The following OXR1 variants were observed in gnomAD, a reference collection of about 807,000 sequenced individuals.
OXR1 encodes the protein oxidation resistance protein 1.
Under a neutral mutation model 104.6 loss-of-function variants are expected in OXR1, and 41 were observed. That is an observed-to-expected ratio of 0.39 (90% CI 0.31 to 0.51). The LOEUF (loss-of-function observed/expected upper bound fraction) is 0.51, where lower values mean the gene tolerates loss of function less well. Ranked by LOEUF, OXR1 falls within the 20% of genes least tolerant of loss-of-function variation. The pLI is 0.77. For missense variants in OXR1, 955 were observed against 1,031.9 expected, an observed-to-expected ratio of 0.93 and a Z score of 1.02; for synonymous variants, 348 against 348.4, an observed-to-expected ratio of 1.00 and a Z score of 0.01.
At chr8:106,367,495 G>A (rs1032776649) in intron 2 of OXR1, among the ~76,000 whole-genome samples, 1 of 151,678 alleles carries the variant, frequency 6.6e-6, no homozygotes, top group South Asian at 2.1e-4. Context: ...TTCTAAACAG[G>A]CAGTATATTA....
intron 3 of OXR1, among the ~76,000 whole-genome samples, chr8:106,678,736 T>C (rs1305000600): frequency 6.6e-6 from 1 of 152,022 alleles, no homozygotes; most frequent in African/African-American, 2.4e-5. Flanking sequence ...AATATGAAAG[T>C]TCATAATTTA....
At chr8:106,380,077 G>A (rs1032971369) in intron 2 of OXR1, among the ~76,000 whole-genome samples, 1 of 151,858 alleles carries the variant, frequency 6.6e-6, no homozygotes, top group Non-Finnish European at 1.5e-5. Flanking sequence ...TACTGAACCC[G>A]TTAGCAGTCA....
chr8:106,599,730 T>A (rs535931881), intron 3 of OXR1, among the ~76,000 whole-genome samples: 15 of 152,322 alleles, frequency 9.8e-5, no homozygotes, highest in African/African-American at 3.1e-4. Context: ...TTTAACGTAT[T>A]ACCTTGTCCT....
At chr8:106,623,311 T>C (rs1007209804) in intron 3 of OXR1, among the ~76,000 whole-genome samples, 1 of 152,086 alleles carries the variant, frequency 6.6e-6, no homozygotes, top group Non-Finnish European at 1.5e-5. Flanking sequence ...AGAAAATATA[T>C]GTATATTTTT....
intron 3 of OXR1, among the ~76,000 whole-genome samples, chr8:106,587,243 G>A (rs10481106): frequency 0.17 from 25,946 of 151,938 alleles, 2,380 homozygotes; most frequent in East Asian, 0.37. Context: ...GTGGGTCGAT[G>A]TGGTATTGAG....
At position 106,282,488 on chromosome 8, in the gene OXR1, C is replaced by T. The variant is rs546112805; in HGVS notation, c.-139+12121C>T. Among the ~76,000 whole-genome samples, 52 of 152,186 alleles carry T rather than the reference C, an allele frequency of 3.4e-4. No homozygotes were observed. In the South Asian group the frequency reaches 9.7e-3, roughly 29 times the overall value. Reference sequence around the variant, plus strand: ...CAGTTGAAAATACACATATAACATTCGACCCCTCAAAAACTTAACTACTAA... The same window carrying T: ...CAGTTGAAAATACACATATAACATTTGACCCCTCAAAAACTTAACTACTAA... On this transcript the variant is annotated intron_variant, in intron 1 of 16. Transcript: ENST00000517566.
chr8:106,533,969 T>C (rs1051355955), intron 3 of OXR1, among the ~76,000 whole-genome samples: 1 of 152,054 alleles, frequency 6.6e-6, no homozygotes, highest in Non-Finnish European at 1.5e-5. Context: ...TGCCTCAGCC[T>C]CCCAAAGTGA....
At position 106,737,559 on chromosome 8, in the gene OXR1, C is replaced by T. The variant is rs1175185615; in HGVS notation, c.1996C>T (p.Leu666=). ...TGAGTATCACCGCAGGATCGATGCT[C>T]TAAATACTGAAGAACTGCGCACACT... ...VAEYHRRIDA[L]NTEELRTLCR... is the part of the protein sequence containing the mutation. The change falls in exon 12 of 17, where the codon CTA becomes TTA. Residue 666 remains leucine (L), a synonymous_variant. Coordinates refer to ENST00000517566, the MANE Select transcript of OXR1 (RefSeq NM_001198533.2). 1.1e-5 allele frequency: 15 copies of T among 1,409,760 alleles called. No homozygotes were observed. The highest frequency in any genetic ancestry group is 1.3e-5 in the Non-Finnish European group (14 of 1,072,900). 87.3% of individuals were successfully genotyped at this position (1,409,760 alleles called of 1,614,324 possible). A position where few individuals can be genotyped will look rare whatever the true frequency, so the allele number is the denominator to read the frequency against.
chr8:106,430,357 A>G (rs1443859851), intron 2 of OXR1, among the ~76,000 whole-genome samples: 6 of 152,256 alleles, frequency 3.9e-5, no homozygotes, highest in Middle Eastern at 3.4e-3. Flanking sequence ...TATACTCTTT[A>G]CCTATCTGAT....
At position 106,397,246 on chromosome 8, in the gene OXR1, T is replaced by C. The variant is rs547539454; in HGVS notation, c.23+37610T>C. On this transcript the variant is annotated intron_variant, in intron 2 of 16. Transcript: ENST00000517566. The stretch of plus-strand genomic sequence containing the variant: ...AAAAAATAAACTAATGATATGTATA[T>C]AAATTTTAAAGCCCAGCTAATCTCT... Among the ~76,000 whole-genome samples, 6 of 152,190 alleles carry C rather than the reference T, an allele frequency of 3.9e-5. No individual in the cohort carries two copies. The South Asian group carries it at 8.3e-4, about 21-fold the overall frequency.
At chr8:106,432,292 C>T (rs1200099805) in intron 2 of OXR1, among the ~76,000 whole-genome samples, 1 of 152,102 alleles carries the variant, frequency 6.6e-6, no homozygotes, top group African/African-American at 2.4e-5. Flanking sequence ...CGTATCCTCC[C>T]CTCTCCTCAC....
chr8:106,638,484 C>G (rs1035596471), intron 3 of OXR1, among the ~76,000 whole-genome samples: 2 of 152,160 alleles, frequency 1.3e-5, no homozygotes, highest in African/African-American at 2.4e-5. Flanking sequence ...CCTCATCTAT[C>G]CTCTGTATCA....
At chr8:106,550,547 G>A (rs1815722511) in intron 3 of OXR1, among the ~76,000 whole-genome samples, 1 of 152,168 alleles carries the variant, frequency 6.6e-6, no homozygotes. Context: ...CACGTTGAGG[G>A]AGGGATGAGG....
chr8:106,726,536 T>C (rs561431381), intron 11 of OXR1, among the ~76,000 whole-genome samples: 108 of 152,328 alleles, frequency 7.1e-4, no homozygotes, highest in East Asian at 4.2e-3. Context: ...GTGTTTTGTA[T>C]GTTCTACACC....
At chr8:106,657,490 C>G (rs1238075738) in intron 3 of OXR1, 1 of 152,136 alleles carries the variant, frequency 6.6e-6, no homozygotes, top group East Asian at 2.0e-4. Flanking sequence ...CATTTTTAGC[C>G]TCTGCTCTGA....
At chr8:106,517,427 T>C (rs1257097067) in intron 2 of OXR1, among the ~76,000 whole-genome samples, 2 of 152,228 alleles carry the variant, frequency 1.3e-5, no homozygotes, top group Admixed American at 1.3e-4. Context: ...TTGAGGTTTT[T>C]TTCAATTTTT....
intron 2 of OXR1, among the ~76,000 whole-genome samples, chr8:106,389,803 T>C (rs981527544): frequency 3.3e-5 from 5 of 152,144 alleles, no homozygotes; most frequent in African/African-American, 1.2e-4. Flanking sequence ...CGGTGGCTCA[T>C]GCCTGTAATT....
chr8:106,346,284 G>A (rs530507972), intron 1 of OXR1, among the ~76,000 whole-genome samples: 2 of 152,186 alleles, frequency 1.3e-5, no homozygotes, highest in African/African-American at 4.8e-5. Flanking sequence ...AGTGAAAATT[G>A]TGGAGGCGAT....
chr8:106,541,029 A>G (rs560895785), intron 3 of OXR1, among the ~76,000 whole-genome samples: 2 of 152,328 alleles, frequency 1.3e-5, no homozygotes, highest in African/African-American at 2.4e-5. Context: ...CAGGCTTACC[A>G]TGTACTATGT....
Sources: gnomAD v4.1 joint callset for allele counts (sites outside exome capture counted in the v4.1 genomes callset) on GRCh38, gnomAD v4.1.1 for gene constraint, MANE v1.5 for transcripts, NCBI Gene and HGNC (gene_info 2026-07-23, HGNC 2026-07-21) for gene names.